AARD: variants seen among roughly 807,000 people sequenced by gnomAD.
AARD encodes alanine- and arginine-rich domain-containing protein.
A neutral mutation model predicts 9.3 loss-of-function variants in AARD; 9 were observed. The observed-to-expected ratio is 0.97, with a 90% confidence interval of 0.58 to 1.69. The LOEUF (loss-of-function observed/expected upper bound fraction) is 1.69, where lower values mean the gene tolerates loss of function less well. Among genes scored for constraint, AARD ranks in the 40% most tolerant of loss-of-function variants. The pLI, the probability that AARD is intolerant of heterozygous loss-of-function variation, is 0.00. For missense variants in AARD, 236 were observed against 210.3 expected, an observed-to-expected ratio of 1.12 and a Z score of -0.76; for synonymous variants, 91 against 93.8, an observed-to-expected ratio of 0.97 and a Z score of 0.17.
At position 116,942,939 on chromosome 8, in the gene AARD, G is replaced by T. The variant is rs75807544; in HGVS notation, c.*238G>T. Reference sequence around the variant, plus strand: ...GGCGTGAACCCAGGAGACAGAGCTTGCAGTGAGCCGAAATCCTGCCACTGC... The same window carrying T: ...GGCGTGAACCCAGGAGACAGAGCTTTCAGTGAGCCGAAATCCTGCCACTGC... On this transcript the variant is annotated 3_prime_UTR_variant, in exon 2 of 2. Coordinates refer to ENST00000378279, the MANE Select transcript of AARD (RefSeq NM_001025357.3). The T allele has an allele frequency of 2.9e-5, 6 of 209,644 alleles. No homozygotes were observed. In the East Asian group the frequency reaches 5.8e-4, roughly 20 times the overall value. 13.0% of individuals were successfully genotyped at this position (209,644 alleles called of 1,614,324 possible).
At chr8:116,942,305 C>T (rs933735949) in intron 1 of AARD, among the ~76,000 whole-genome samples, 2 of 152,164 alleles carry the variant, frequency 1.3e-5, no homozygotes, top group Admixed American at 6.5e-5. Flanking sequence ...CTTTGTGCAT[C>T]AGCTACTTTT....
rs535617918 is a variant in AARD at position 116,943,631 on chromosome 8, C to T, written c.*930C>T. 6.7e-6 allele frequency: 1 copy of T among 149,446 alleles called. No homozygotes were observed. Among genetic ancestry groups the T allele is most frequent in the East Asian group, 2.0e-4 (1 of 4,922 alleles). The allele number at this position is 149,446 out of a possible 1,614,324, so 9.3% of individuals were successfully genotyped here. On this transcript the variant is annotated 3_prime_UTR_variant, in exon 2 of 2. Coordinates refer to ENST00000378279, the MANE Select transcript of AARD (RefSeq NM_001025357.3). ...CAGGGGCTTGGAAGCTGCTGGTGGT[C>T]ACCATGTGAGAAAGCCCACACCCTA... is the stretch of plus-strand genomic sequence containing the variant.
Position 116,938,425 on chromosome 8 carries a change from G to C in AARD, c.182G>C (p.Arg61Pro). 1.2e-6 allele frequency: 2 copies of C among 1,610,478 alleles called. No individual in the cohort carries two copies. The highest frequency in any genetic ancestry group is 1.7e-4 in the Middle Eastern group (1 of 5,960). Residue 61 changes from arginine to proline, a missense_variant, in exon 1 of 2, where the codon CGA (arginine) becomes CCA (proline). Physicochemically the swap from Arg to Pro is moderately radical, Grantham distance 103 (BLOSUM62 -2). Coordinates refer to ENST00000378279, the MANE Select transcript of AARD (RefSeq NM_001025357.3). ...AASPLLEDLR[R>P]RLTRAFQWAV... ...AGCCCGCTGCTGGAGGACCTCAGAC[G>C]ACGGCTGACGCGCGCCTTCCAGTGG...
At chr8:116,940,757 A>G (rs16889299) in intron 1 of AARD, among the ~76,000 whole-genome samples, 1,802 of 152,266 alleles carry the variant, frequency 0.012, 37 homozygotes, top group African/African-American at 0.042. Flanking sequence ...AGAATCATTC[A>G]CTTCTAGGGT....
At chr8:116,939,279 T>C (rs1813717559) in intron 1 of AARD, among the ~76,000 whole-genome samples, 1 of 152,214 alleles carries the variant, frequency 6.6e-6, no homozygotes, top group South Asian at 2.1e-4. Flanking sequence ...ACTTTAGAAC[T>C]GAGCCAACCA....
chr8:116,941,515 A>C (rs1813744936), intron 1 of AARD, among the ~76,000 whole-genome samples: 1 of 152,076 alleles, frequency 6.6e-6, no homozygotes, highest in South Asian at 2.1e-4. Flanking sequence ...GCAAGGTGCA[A>C]GGGTTTTTTG....
rs75081362 is a variant in AARD, at chr8:116,939,748, C to T, written c.324+1181C>T. Among the ~76,000 whole-genome samples, 1,321 of 152,318 alleles carry T rather than the reference C, an allele frequency of 8.7e-3. 18 individuals are homozygous for T. Among genetic ancestry groups the T allele is most frequent in the African/African-American group, 0.03 (1,243 of 41,570 alleles). On this transcript the variant is annotated intron_variant, in intron 1 of 1. Transcript: ENST00000378279. ...TTATCCAACAATGTCAAAGAAACAC[C>T]TGGTTTTCACCCTGAGTCTAAGCAG...
rs894022089 is a variant in AARD, at chr8:116,938,537, G to A, written c.294G>A (p.Glu98=). The change falls in exon 1 of 2, where the codon GAG becomes GAA. Residue 98 remains glutamate (E), a synonymous_variant. Coordinates refer to ENST00000378279, the MANE Select transcript of AARD (RefSeq NM_001025357.3). ...AREEQSWTGV[E]ATLARLRAEL... ...AGGAGCAGAGCTGGACGGGCGTTGA[G>A]GCCACCCTGGCCAGGCTGCGGGCGG... The A allele has an allele frequency of 5.5e-6, 8 of 1,451,234 alleles. No homozygotes were observed. Among genetic ancestry groups the A allele is most frequent in the Non-Finnish European group, 7.2e-6 (8 of 1,113,914 alleles). 89.9% of individuals were successfully genotyped at this position (1,451,234 alleles called of 1,614,324 possible).
rs1813778372 is a variant in AARD, at chr8:116,944,033, A to C, written c.*1332A>C. 1 of 152,250 alleles carries C rather than the reference A, an allele frequency of 6.6e-6. No homozygotes were observed. Among genetic ancestry groups the C allele is most frequent in the Non-Finnish European group, 1.5e-5 (1 of 68,046 alleles). The allele number at this position is 152,250 out of a possible 1,614,324, so 9.4% of individuals were successfully genotyped here. A position where few individuals can be genotyped will look rare whatever the true frequency, so the allele number is the denominator to read the frequency against. ...TTATAATGGTTATTGTCTGCAAAATACAAATTAATTTATAACAAGCTATGT... is the reference window on the plus strand; with the variant it reads ...TTATAATGGTTATTGTCTGCAAAATCCAAATTAATTTATAACAAGCTATGT... On this transcript the variant is annotated 3_prime_UTR_variant, in exon 2 of 2. Coordinates refer to ENST00000378279, the MANE Select transcript of AARD (RefSeq NM_001025357.3).
chr8:116,938,418 C>T lies in AARD; in HGVS notation c.175C>T (p.Leu59Phe), dbSNP rs747974793. Residue 59 changes from leucine (L) to phenylalanine (F), a missense_variant, in exon 1 of 2, where the codon CTC (leucine) becomes TTC (phenylalanine). By Grantham distance (22) the Leu-to-Phe change is conservative. Transcript: ENST00000378279. ...CGCCGCCAGCCCGCTGCTGGAGGACCTCAGACGACGGCTGACGCGCGCCTT... is the reference window on the plus strand; with the variant it reads ...CGCCGCCAGCCCGCTGCTGGAGGACTTCAGACGACGGCTGACGCGCGCCTT... ...ALAASPLLED[L>F]RRRLTRAFQW... 5.1e-5 allele frequency: 82 copies of T among 1,611,230 alleles called. No homozygotes were observed. The highest frequency in any genetic ancestry group is 3.3e-4 in the Admixed American group (20 of 59,872).
rs1586310648 is a variant in AARD at position 116,943,971 on chromosome 8, A to G, written c.*1270A>G. On this transcript the variant is annotated 3_prime_UTR_variant, in exon 2 of 2. Transcript: ENST00000378279. The stretch of plus-strand genomic sequence containing the variant: ...GTGCTGTCTTTTTAATGCAAACAGT[A>G]AAGTTAATAAAAAATAGTTGCAGAT... 1 of 152,232 alleles carries G rather than the reference A, an allele frequency of 6.6e-6. No individual in the cohort carries two copies. The highest frequency in any genetic ancestry group is 1.9e-4 in the East Asian group (1 of 5,208). The allele number at this position is 152,232 out of a possible 1,614,324, so 9.4% of individuals were successfully genotyped here. A position where few individuals can be genotyped will look rare whatever the true frequency, so the allele number is the denominator to read the frequency against.
At chr8:116,938,591 G>A (rs1813705425) in intron 1 of AARD, 24 bp downstream of exon 1, 1 of 1,391,380 alleles carries the variant, frequency 7.2e-7, no homozygotes, top group Non-Finnish European at 9.2e-7. Context: ...CTAGGCGGAC[G>A]GCTCCCAGGG....
In AARD at chr8:116,938,462, C is replaced by G; in HGVS notation, c.219C>G (p.Arg73=). 1 of 1,596,372 alleles carries G rather than the reference C, an allele frequency of 6.3e-7. No individual in the cohort carries two copies. Among genetic ancestry groups the G allele is most frequent in the Non-Finnish European group, 8.5e-7 (1 of 1,172,736 alleles). Residue 73 remains arginine, a synonymous_variant, in exon 1 of 2, where the codon CGC becomes CGG. Transcript: ENST00000378279. The stretch of plus-strand genomic sequence containing the variant: ...GCGCCTTCCAGTGGGCGGTGCAGCG[C>G]GCGATCTCGAGGCGCGTGCAGGAGG... The part of the protein sequence containing the change: ...LTRAFQWAVQ[R]AISRRVQEAA...
chr8:116,941,764 A>G (rs1219499573), intron 1 of AARD, among the ~76,000 whole-genome samples: 3 of 152,230 alleles, frequency 2.0e-5, no homozygotes, highest in Admixed American at 2.0e-4. Flanking sequence ...GTTTCTATTG[A>G]CAAGCTGATG....
chr8:116,940,391 TA>T (rs935667590), intron 1 of AARD, among the ~76,000 whole-genome samples: 2 of 152,140 alleles, frequency 1.3e-5, no homozygotes, highest in African/African-American at 4.8e-5. Flanking sequence ...TACATTCCTA[TA>T]AAAAAATCAG....
intron 1 of AARD, among the ~76,000 whole-genome samples, chr8:116,942,286 T>C (rs1052757951): frequency 3.9e-5 from 6 of 152,226 alleles, no homozygotes; most frequent in African/African-American, 1.4e-4. Flanking sequence ...GTATTTTTCA[T>C]ATGGACAGCT....
intron 1 of AARD, among the ~76,000 whole-genome samples, chr8:116,939,201 G>C (rs1813716643): frequency 6.6e-6 from 1 of 152,220 alleles, no homozygotes; most frequent in South Asian, 2.1e-4. Context: ...GCCTAGGAAA[G>C]TGTGCAGTGG....
At position 116,938,263 on chromosome 8, in the gene AARD, G is replaced by A. The variant is rs767806098; in HGVS notation, c.20G>A (p.Arg7His). The A allele has an allele frequency of 2.5e-6, 4 of 1,591,626 alleles. No homozygotes were observed. In the South Asian group the frequency reaches 4.5e-5, roughly 18 times the overall value. Reference protein sequence around the residue: MGPGDFRRCRERISQGL... With the variant: MGPGDFHRCRERISQGL... Reference sequence around the variant, plus strand: ...TCCGCGATGGGCCCCGGGGACTTCCGCCGCTGCAGAGAGAGAATTTCCCAG... The same window carrying A: ...TCCGCGATGGGCCCCGGGGACTTCCACCGCTGCAGAGAGAGAATTTCCCAG... Residue 7 changes from arginine (R) to histidine (H), a missense_variant, in exon 1 of 2, where the codon CGC becomes CAC. Coordinates refer to ENST00000378279, the MANE Select transcript of AARD (RefSeq NM_001025357.3).
intron 1 of AARD, among the ~76,000 whole-genome samples, chr8:116,940,818 T>C (rs1813737433): frequency 6.6e-6 from 1 of 152,158 alleles, no homozygotes; most frequent in South Asian, 2.1e-4. Context: ...ATGCAGAATT[T>C]TTGATGTGCA....
Sources: gnomAD v4.1 joint callset for allele counts (sites outside exome capture counted in the v4.1 genomes callset) on GRCh38, gnomAD v4.1.1 for gene constraint, MANE v1.5 for transcripts, NCBI Gene and HGNC (gene_info 2026-07-23, HGNC 2026-07-21) for gene names.